HSPA12A: variants seen among roughly 807,000 people sequenced by gnomAD.
HSPA12A encodes heat shock protein family A (Hsp70) member 12A, also known as heat shock 70 kDa protein 12A.
Under a neutral mutation model 69.2 loss-of-function variants are expected in HSPA12A, and 28 were observed. That is an observed-to-expected ratio of 0.40 (90% CI 0.30 to 0.55). HSPA12A has a LOEUF of 0.55. Ranked by LOEUF, HSPA12A falls within the 20% of genes least tolerant of loss-of-function variation. The pLI is 0.38. For missense variants in HSPA12A, 686 were observed against 900.7 expected, an observed-to-expected ratio of 0.76 and a Z score of 3.05; for synonymous variants, 345 against 370.5, an observed-to-expected ratio of 0.93 and a Z score of 0.79.
chr10:116,747,136 G>A (rs1234726480), upstream of HSPA12A, among the ~76,000 whole-genome samples: 2 of 152,142 alleles, frequency 1.3e-5, no homozygotes, highest in Non-Finnish European at 2.9e-5. Flanking sequence ...CACCTCACTG[G>A]TCTTCCAGTC....
In HSPA12A at chr10:116,683,806, C is replaced by T; in HGVS notation, c.820G>A (p.Ala274Thr). 1 of 1,564,438 alleles carries T rather than the reference C, an allele frequency of 6.4e-7. No homozygotes were observed. Among genetic ancestry groups the T allele is most frequent in the Admixed American group, 1.7e-5 (1 of 59,228 alleles). ...NGYSGSDTVGAGFTQAKEHIR... is the reference protein window; with the variant it reads ...NGYSGSDTVGTGFTQAKEHIR... The stretch of plus-strand genomic sequence containing the variant: ...GCAGAGGTACCCTGTGTAAACCCAG[C>T]TCCTACTGTGTCACTGCCGCTGTAC... Residue 274 changes from alanine to threonine, a missense_variant, in exon 7 of 12, where the codon GCT becomes ACT. By Grantham distance (58) the Ala-to-Thr change is moderately conservative. Coordinates refer to ENST00000369209, the MANE Select transcript of HSPA12A (RefSeq NM_025015.3).
At chr10:116,826,821 A>C (rs990320637) in intron 2 of HSPA12A, among the ~76,000 whole-genome samples, 4 of 152,112 alleles carry the variant, frequency 2.6e-5, no homozygotes, top group African/African-American at 9.7e-5. Flanking sequence ...CATAACTCAC[A>C]CTTCTTGGAT....
chr10:116,678,406 G>C (rs910731893), intron 10 of HSPA12A, among the ~76,000 whole-genome samples: 1 of 138,982 alleles, frequency 7.2e-6, no homozygotes, highest in Non-Finnish European at 1.5e-5. Flanking sequence ...GTAACACCAC[G>C]GACGTGAGAT....
chr10:116,835,767 G>A (rs527840407), intron 1 of HSPA12A, among the ~76,000 whole-genome samples: 137 of 152,296 alleles, frequency 9.0e-4, no homozygotes, highest in African/African-American at 3.0e-3. Context: ...CACTTGTGCC[G>A]AAAGCAGTCA....
chr10:116,678,256 G>A (rs547186782), intron 10 of HSPA12A, among the ~76,000 whole-genome samples: 1 of 141,582 alleles, frequency 7.1e-6, no homozygotes, highest in South Asian at 2.3e-4. Flanking sequence ...CCCCTGATGG[G>A]ATGCAGTAGG....
At chr10:116,706,902 G>A (rs1238148619) in intron 2 of HSPA12A, among the ~76,000 whole-genome samples, 3 of 152,134 alleles carry the variant, frequency 2.0e-5, no homozygotes, top group Non-Finnish European at 2.9e-5. Context: ...AATCTTTAAA[G>A]GGCTGCTCCC....
At position 116,681,219 on chromosome 10, in the gene HSPA12A, G is replaced by A. The variant is rs374148558; in HGVS notation, c.960C>T (p.Thr320=). ...KYVVVDSGGG[T]VDLTVHQIRL... ...GGATCTGATGGACTGTCAGGTCTAC[G>A]GTGCCACCGCCACTGTCCACAACCA... Residue 320 remains threonine (T), a synonymous_variant, in exon 9 of 12, where the codon ACC becomes ACT. Coordinates refer to ENST00000369209, the MANE Select transcript of HSPA12A (RefSeq NM_025015.3). The A allele has an allele frequency of 2.5e-5, 40 of 1,613,946 alleles. No homozygotes were observed. The African/African-American group carries it at 2.8e-4, about 11-fold the overall frequency.
chr10:116,816,004 G>A (rs1429564092), intron 2 of HSPA12A, among the ~76,000 whole-genome samples: 1 of 152,190 alleles, frequency 6.6e-6, no homozygotes, highest in African/African-American at 2.4e-5. Flanking sequence ...GCTGAGCTGT[G>A]CAGGTGCATT....
intron 7 of HSPA12A, 25 bp downstream of exon 7, chr10:116,683,766 A>T: frequency 6.7e-7 from 1 of 1,493,528 alleles, no homozygotes; most frequent in Non-Finnish European, 9.1e-7. Context: ...GGAGAGCAGG[A>T]GGGGGAGAGA....
intron 6 of HSPA12A, 40 bp from the exon 7 acceptor site, chr10:116,684,002 G>A: frequency 2.7e-6 from 4 of 1,500,496 alleles, no homozygotes; most frequent in Non-Finnish European, 3.6e-6. Context: ...AGGGCCCCCT[G>A]GGCCGGCCTG....
chr10:116,785,083 G>T (rs560105513), intron 2 of HSPA12A, among the ~76,000 whole-genome samples: 1 of 152,236 alleles, frequency 6.6e-6, no homozygotes, highest in East Asian at 1.9e-4. Context: ...GGATTCCAGA[G>T]GAGACATTTC....
intron 2 of HSPA12A, among the ~76,000 whole-genome samples, chr10:116,770,669 G>T (rs529752810): frequency 1.3e-5 from 2 of 152,112 alleles, no homozygotes; most frequent in Non-Finnish European, 2.9e-5. Context: ...CTTCATAAAG[G>T]TCCATGGCTG....
chr10:116,797,975 G>A (rs983952282), intron 2 of HSPA12A, among the ~76,000 whole-genome samples: 1 of 152,190 alleles, frequency 6.6e-6, no homozygotes. Context: ...TTTGGGTAAA[G>A]ACACAGCTAT....
chr10:116,757,721 A>T (rs543171412), intron 2 of HSPA12A, among the ~76,000 whole-genome samples: 3 of 152,234 alleles, frequency 2.0e-5, no homozygotes, highest in African/African-American at 2.4e-5. Context: ...GGGAATAATA[A>T]CTGTACCTAC....
intron 5 of HSPA12A, among the ~76,000 whole-genome samples, chr10:116,694,642 G>C (rs570475605): frequency 6.6e-6 from 1 of 151,970 alleles, no homozygotes; most frequent in African/African-American, 2.4e-5. Flanking sequence ...TTTTGCCCCC[G>C]AGCCCCTACG....
intron 2 of HSPA12A, among the ~76,000 whole-genome samples, chr10:116,800,926 G>A (rs983198711): frequency 1.3e-5 from 2 of 152,202 alleles, no homozygotes; most frequent in East Asian, 1.9e-4. Context: ...GGGCAGGGGC[G>A]ACAGAGCAGA....
chr10:116,844,349 C>CTATAATTCTTCATCGA (rs1404165599), intron 1 of HSPA12A, among the ~76,000 whole-genome samples: 1 of 152,208 alleles, frequency 6.6e-6, no homozygotes, highest in African/African-American at 2.4e-5. Context: ...GTAATGACTA[C>CTATAATTCTTCATCGA]TGCCAGCAGA....
At chr10:116,807,830 A>G (rs1169365175) in intron 2 of HSPA12A, among the ~76,000 whole-genome samples, 1 of 152,152 alleles carries the variant, frequency 6.6e-6, no homozygotes, top group African/African-American at 2.4e-5. Flanking sequence ...CTGGCTACCA[A>G]CGCCTCCTCA....
intron 2 of HSPA12A, among the ~76,000 whole-genome samples, chr10:116,752,174 T>C (rs1328669273): frequency 1.3e-5 from 2 of 152,188 alleles, no homozygotes; most frequent in Non-Finnish European, 2.9e-5. Context: ...GCTGGAAGTC[T>C]TGGGGCTAGA....
Sources: allele counts gnomAD v4.1 joint callset (sites outside exome capture counted in the v4.1 genomes callset), GRCh38; gene constraint gnomAD v4.1.1; transcripts MANE v1.5; gene names NCBI Gene and HGNC (gene_info 2026-07-23, HGNC 2026-07-21).